The following NLRC5 variants were observed in gnomAD, a reference collection of about 807,000 sequenced individuals.
The protein encoded by NLRC5 is NLR family CARD domain containing 5.
A neutral mutation model predicts 206.9 loss-of-function variants in NLRC5; 114 were observed. The ratio of observed to expected loss-of-function variants is 0.55; its 90% CI spans 0.47 to 0.64. The LOEUF (loss-of-function observed/expected upper bound fraction) is 0.64. Ranked by LOEUF, NLRC5 falls within the 30% of genes least tolerant of loss-of-function variation. The pLI, the probability that NLRC5 is intolerant of heterozygous loss-of-function variation, is 0.00. For synonymous variants in NLRC5, 952 were observed against 962.8 expected, an observed-to-expected ratio of 0.99 and a Z score of 0.21; for missense variants, 2,008 against 2,305.5, an observed-to-expected ratio of 0.87 and a Z score of 2.64.
At chr16:57,077,486 C>T (rs2068543166) in intron 41 of NLRC5, 107 bp downstream of exon 41, 1 of 1,143,298 alleles carries the variant, frequency 8.7e-7, no homozygotes, top group Admixed American at 2.2e-5. Context: ...CTGCGCCAAC[C>T]TCAGTGTCCA....
At position 57,036,127 on chromosome 16, in the gene NLRC5, A is replaced by T. The variant is rs2062541668; in HGVS notation, c.2655A>T (p.Glu885Asp). 1 of 1,613,672 alleles carries T rather than the reference A, an allele frequency of 6.2e-7. No homozygotes were observed. The highest frequency in any genetic ancestry group is 2.2e-5 in the East Asian group (1 of 44,882). The change falls in exon 14 of 49, where the codon GAA becomes GAT. Residue 885 changes from glutamate (E) to aspartate (D), a missense_variant. Glu to Asp is a conservative substitution (Grantham distance 45). Transcript: ENST00000688547. ...VDLSGNQLED[E>D]GCRLMAEAAS... Reference sequence around the variant, plus strand: ...TCTCAGGGAACCAGCTGGAAGATGAAGGCTGTCGGCTGATGGCAGAGGCTG... The same window carrying T: ...TCTCAGGGAACCAGCTGGAAGATGATGGCTGTCGGCTGATGGCAGAGGCTG...
chr16:57,055,938 C>T (rs1273723092), intron 27 of NLRC5, among the ~76,000 whole-genome samples: 1 of 152,180 alleles, frequency 6.6e-6, no homozygotes, highest in East Asian at 1.9e-4. Context: ...ATCTGCGTGG[C>T]CTGTCTTGGA....
chr16:57,002,549 T>A (rs1226464786), intron 1 of NLRC5, among the ~76,000 whole-genome samples: 1 of 152,190 alleles, frequency 6.6e-6, no homozygotes, highest in Non-Finnish European at 1.5e-5. Context: ...AGTGCAGATA[T>A]CTCTTTGAGA....
In NLRC5 at chr16:57,066,203, G is replaced by A. The variant is rs80183438; in HGVS notation, c.4242-331G>A. The stretch of plus-strand genomic sequence containing the variant: ...TGTAACCCCAGCACTTTGGGAGGCC[G>A]AGGCAGGAGGATCACTGAAGCCCAG... On this transcript the variant is annotated intron_variant, in intron 33 of 48. Transcript: ENST00000688547. Among the ~76,000 whole-genome samples, 351 of 152,178 alleles carry A rather than the reference G, an allele frequency of 2.3e-3. 11 individuals are homozygous for A. The East Asian group carries it at 0.048, about 21-fold the overall frequency.
In NLRC5 at chr16:57,077,378, G is replaced by C; in HGVS notation, c.4918G>C (p.Asp1640His). Reference sequence around the variant, plus strand: ...TGGGCTGCCAGAGCTCAGGAAGATAGAGTGAGTAGCCAGCCCTACAGAGGA... The same window carrying C: ...TGGGCTGCCAGAGCTCAGGAAGATACAGTGAGTAGCCAGCCCTACAGAGGA... ...LPGLPELRKIDLSGNSISSAG... is the reference protein window; with the variant it reads ...LPGLPELRKIHLSGNSISSAG... The change falls in exon 41 of 49, where the codon GAC becomes CAC. Residue 1640 changes from aspartate to histidine, a missense_variant and splice_region_variant. Asp to His is a moderately conservative substitution (Grantham distance 81). Transcript: ENST00000688547. The C allele has an allele frequency of 1.9e-6, 3 of 1,613,854 alleles. No individual in the cohort carries two copies. The highest frequency in any genetic ancestry group is 2.5e-6 in the Non-Finnish European group (3 of 1,179,872).
intron 16 of NLRC5, 113 bp from the exon 17 acceptor site, chr16:57,040,537 G>C: frequency 2.0e-6 from 2 of 1,005,738 alleles, no homozygotes; most frequent in Middle Eastern, 2.1e-4. Context: ...ACCAAGGTCT[G>C]ATTGACTCTA....
chr16:57,078,936 G>A, intron 43 of NLRC5, 114 bp from the exon 44 acceptor site: 3 of 934,760 alleles, frequency 3.2e-6, no homozygotes, highest in South Asian at 3.1e-5. Flanking sequence ...GTGTGGATGG[G>A]GAATTAGCCA....
At chr16:57,073,426 C>G (rs2068010300) in intron 38 of NLRC5, among the ~76,000 whole-genome samples, 1 of 152,022 alleles carries the variant, frequency 6.6e-6, no homozygotes, top group Non-Finnish European at 1.5e-5. Flanking sequence ...GAGCATGGAC[C>G]CTAGTTAGGA....
intron 1 of NLRC5, among the ~76,000 whole-genome samples, chr16:56,994,262 GACTCCCAGAA>G (rs2057326358): frequency 1.3e-5 from 2 of 152,128 alleles, no homozygotes; most frequent in Non-Finnish European, 1.5e-5. Flanking sequence ...AGAGGGAGAT[GACTCCCAGAA>G]ACTTCTTAGG....
chr16:57,004,743 C>G (rs1002820225), intron 1 of NLRC5, among the ~76,000 whole-genome samples: 1 of 152,222 alleles, frequency 6.6e-6, no homozygotes, highest in Non-Finnish European at 1.5e-5. Flanking sequence ...TCTGCACTCC[C>G]TCCTCTAAGC....
Position 57,037,243 on chromosome 16 carries a change from G to T in NLRC5, c.2760G>T (p.Arg920Ser). Reference protein sequence around the residue: ...LSVAGVHCVLRAVSACWTLAE... With the variant: ...LSVAGVHCVLSAVSACWTLAE... ...TGGCCGGGGTGCATTGTGTGCTGAG[G>T]GCCGTGAGTGCGTGCTGGACCCTGG... The change falls in exon 15 of 49, where the codon AGG becomes AGT. Residue 920 changes from arginine (R) to serine (S), a missense_variant. By Grantham distance (110) the Arg-to-Ser change is moderately radical. Transcript: ENST00000688547. 2 of 1,613,748 alleles carry T rather than the reference G, an allele frequency of 1.2e-6. No individual in the cohort carries two copies. The highest frequency in any genetic ancestry group is 1.7e-6 in the Non-Finnish European group (2 of 1,179,974).
rs201790586 is a variant in NLRC5 at position 57,055,114 on chromosome 16, G to A, written c.3659+20G>A. 1.9e-6 allele frequency: 3 copies of A among 1,613,732 alleles called. No individual in the cohort carries two copies. The highest frequency in any genetic ancestry group is 1.7e-5 in the Admixed American group (1 of 60,004). On this transcript the variant is annotated intron_variant, in intron 26 of 48. Coordinates refer to ENST00000688547, the MANE Select transcript of NLRC5 (RefSeq NM_001384950.1). ...CTGTGGGTAAGCCCCCTTGAACCAT[G>A]CCTAGGCAGCTAGTTGATGTTGGGG...
Position 57,046,551 on chromosome 16 carries a change from G to C in NLRC5, c.3249-1G>C. The stretch of plus-strand genomic sequence containing the variant: ...TCCTTTCTAAATGATCCCCCTCCTA[G>C]GGATATGTGGGCCACTGGATCTTTG... On this transcript the variant is annotated splice_acceptor_variant, in intron 21 of 48. Transcript: ENST00000688547. LOFTEE classifies it high-confidence loss of function. The C allele has an allele frequency of 1.9e-6, 3 of 1,613,448 alleles. No individual in the cohort carries two copies. Among genetic ancestry groups the C allele is most frequent in the Non-Finnish European group, 2.5e-6 (3 of 1,179,510 alleles).
At position 57,079,251 on chromosome 16, in the gene NLRC5, C is replaced by T; in HGVS notation, c.5196C>T (p.Val1732=). Residue 1732 remains valine, a synonymous_variant, in exon 45 of 49, where the codon GTC becomes GTT. Coordinates refer to ENST00000688547, the MANE Select transcript of NLRC5 (RefSeq NM_001384950.1). ...CGGAAAACAACCTGGCTGGAGGGGT[C>T]CTGCGTTTCTGTATGGAGCTCCCGC... ...SLAENNLAGG[V]LRFCMELPLL... The T allele has an allele frequency of 6.2e-7, 1 of 1,613,686 alleles. No homozygotes were observed. The highest frequency in any genetic ancestry group is 8.5e-7 in the Non-Finnish European group (1 of 1,180,024).
intron 1 of NLRC5, among the ~76,000 whole-genome samples, chr16:57,015,655 C>T (rs1165339827): frequency 2.0e-5 from 3 of 151,536 alleles, no homozygotes; most frequent in African/African-American, 7.3e-5. Context: ...AGGCTGGGCA[C>T]AGTGGCTCAT....
chr16:57,032,647 A>C (rs1386826996), intron 11 of NLRC5, among the ~76,000 whole-genome samples: 1 of 152,088 alleles, frequency 6.6e-6, no homozygotes, highest in Non-Finnish European at 1.5e-5. Flanking sequence ...ATAGGTGGCT[A>C]GTGGCTCCCA....
intron 46 of NLRC5, 103 bp downstream of exon 46, chr16:57,079,732 C>T: frequency 1.2e-6 from 1 of 839,748 alleles, no homozygotes; most frequent in Non-Finnish European, 2.0e-6. Flanking sequence ...CTGCTCCCAT[C>T]CTCTCTGGCC....
chr16:57,063,042 T>C (rs183860365), intron 32 of NLRC5, among the ~76,000 whole-genome samples: 30 of 152,228 alleles, frequency 2.0e-4, no homozygotes, highest in African/African-American at 6.5e-4. Context: ...GCTCATTTCA[T>C]TGGGCATAAT....
At chr16:57,050,126 G>T (rs758900002) in intron 23 of NLRC5, among the ~76,000 whole-genome samples, 1 of 151,682 alleles carries the variant, frequency 6.6e-6, no homozygotes, top group African/African-American at 2.4e-5. Flanking sequence ...AAAAAGGAGG[G>T]TGTAATCACC....
Sources: gnomAD v4.1 joint callset for allele counts (sites outside exome capture counted in the v4.1 genomes callset) on GRCh38, gnomAD v4.1.1 for gene constraint, MANE v1.5 for transcripts, NCBI Gene and HGNC (gene_info 2026-07-23, HGNC 2026-07-21) for gene names.